The following GOSR2 variants were observed in gnomAD, a reference collection of about 807,000 sequenced individuals.
GOSR2 encodes the protein golgi SNAP receptor complex member 2, also known as 27 kDa Golgi SNARE protein.
Under a neutral mutation model 27.9 loss-of-function variants are expected in GOSR2, and 20 were observed. The ratio of observed to expected loss-of-function variants is 0.72; its 90% CI spans 0.50 to 1.04. The LOEUF is 1.04. Ranked by LOEUF, GOSR2 falls within the 50% of genes least tolerant of loss-of-function variation. The pLI is 0.00. For missense variants in GOSR2, 261 were observed against 270.5 expected, an observed-to-expected ratio of 0.97 and a Z score of 0.25; for synonymous variants, 91 against 98.8, an observed-to-expected ratio of 0.92 and a Z score of 0.47.
chr17:46,955,619 C>T (rs770226164), intron 6 of GOSR2: 39 of 152,234 alleles, frequency 2.6e-4, no homozygotes, highest in Admixed American at 4.6e-4. Context: ...AGGCCAAGCA[C>T]ACCTCTGAAG....
In GOSR2 at chr17:46,941,331, CT is replaced by C. The variant is rs1275121888; in HGVS notation, c.*2572del. On this transcript the variant is annotated 3_prime_UTR_variant, in exon 6 of 6. Coordinates refer to ENST00000640051, the MANE Select transcript of GOSR2 (RefSeq NM_004287.5). ...ACCCATTGTTTTGGAAGCACATCAG[CT>C]GAATAAAGTTGAGGTTTATTTTATT... is the stretch of plus-strand genomic sequence containing the variant. 1.7e-5 allele frequency: 17 copies of C among 985,086 alleles called. No individual in the cohort carries two copies. The East Asian group carries it at 1.8e-3, about 105-fold the overall frequency. The allele number at this position is 985,086 out of a possible 1,614,324, so 61.0% of individuals were successfully genotyped here.
chr17:46,954,937 C>G (rs1291709811), intron 6 of GOSR2, among the ~76,000 whole-genome samples: 2 of 152,164 alleles, frequency 1.3e-5, no homozygotes, highest in African/African-American at 4.8e-5. Context: ...GTGGGGTTTT[C>G]TAGATATACA....
At chr17:46,960,356 G>A (rs141731201) in intron 6 of GOSR2, among the ~76,000 whole-genome samples, 7 of 152,326 alleles carry the variant, frequency 4.6e-5, no homozygotes, top group African/African-American at 9.6e-5. Flanking sequence ...ACAATATCAA[G>A]TGCTGACGAG....
downstream of GOSR2, among the ~76,000 whole-genome samples, chr17:46,944,399 C>G (rs1216061223): frequency 2.0e-5 from 3 of 152,176 alleles, no homozygotes; most frequent in Admixed American, 6.5e-5. Context: ...GGGGGTAACA[C>G]CTGTCCCACG....
chr17:46,954,385 A>G (rs1167283012), intron 6 of GOSR2, among the ~76,000 whole-genome samples: 2 of 152,106 alleles, frequency 1.3e-5, no homozygotes, highest in African/African-American at 4.8e-5. Flanking sequence ...GTTCTGTTCC[A>G]TTGGTCTATA....
At chr17:46,924,186 C>T (rs900966832) in intron 1 of GOSR2, 1 of 243,574 alleles carries the variant, frequency 4.1e-6, no homozygotes, top group Non-Finnish European at 7.8e-6. Context: ...TTTACCTATT[C>T]TAGATACTTA....
chr17:46,930,842 C>A, intron 2 of GOSR2: 1 of 414,270 alleles, frequency 2.4e-6, no homozygotes, highest in South Asian at 3.2e-5. Context: ...AAATTTATTT[C>A]TACAGATTTA....
chr17:46,936,867 T>C lies in GOSR2; in HGVS notation c.477+1698T>C, dbSNP rs1478729733. 8.2e-6 allele frequency: 8 copies of C among 978,892 alleles called. No homozygotes were observed. In the African/African-American group the frequency reaches 1.4e-4, roughly 17 times the overall value. The allele number at this position is 978,892 out of a possible 1,614,324, so 60.6% of individuals were successfully genotyped here. A position where few individuals can be genotyped will look rare whatever the true frequency, so the allele number is the denominator to read the frequency against. On this transcript the variant is annotated intron_variant, in intron 5 of 5. Transcript: ENST00000640051. ...TCTCTGGCTGAGGCTTCTTAATTGC[T>C]TTCTGGGCAGAATGTAGATTTTGGA...
chr17:46,941,029 G>A lies in GOSR2; in HGVS notation c.*2269G>A. 2 of 1,095,678 alleles carry A rather than the reference G, an allele frequency of 1.8e-6. No homozygotes were observed. The highest frequency in any genetic ancestry group is 2.2e-6 in the Non-Finnish European group (2 of 895,008). 67.9% of individuals were successfully genotyped at this position (1,095,678 alleles called of 1,614,324 possible). A position where few individuals can be genotyped will look rare whatever the true frequency, so the allele number is the denominator to read the frequency against. ...TAGTGGAGGCGGGGGTGAATTCTTA[G>A]GTCGAGCTGATGCAAGAAACTCCGG... is the stretch of plus-strand genomic sequence containing the variant. On this transcript the variant is annotated 3_prime_UTR_variant, in exon 6 of 6. Transcript: ENST00000640051.
downstream of GOSR2, among the ~76,000 whole-genome samples, chr17:46,942,572 C>T (rs2089423157): frequency 6.6e-6 from 1 of 152,310 alleles, no homozygotes; most frequent in Admixed American, 6.5e-5. Flanking sequence ...AGCCTGCTGG[C>T]ATGGACTATA....
At chr17:46,974,820 C>T (rs1233147336) in intron 6 of GOSR2, among the ~76,000 whole-genome samples, 2 of 152,122 alleles carry the variant, frequency 1.3e-5, no homozygotes, top group Non-Finnish European at 2.9e-5. Context: ...CAGGCAACCT[C>T]TTGGAGCCTC....
downstream of GOSR2, among the ~76,000 whole-genome samples, chr17:46,942,604 A>G (rs2089427939): frequency 6.6e-6 from 1 of 152,234 alleles, no homozygotes; most frequent in African/African-American, 2.4e-5. Context: ...TGTTTGCTGC[A>G]GACCCTTCAG....
At chr17:46,957,328 C>T (rs1418871302) in intron 6 of GOSR2, among the ~76,000 whole-genome samples, 1 of 151,630 alleles carries the variant, frequency 6.6e-6, no homozygotes, top group East Asian at 1.9e-4. Context: ...AAAAAGAAAC[C>T]CAGGCTAAGC....
intron 4 of GOSR2, among the ~76,000 whole-genome samples, 179 bp from the exon 5 acceptor site, chr17:46,934,847 TCTG>T (rs2146967415): frequency 6.6e-6 from 1 of 152,366 alleles, no homozygotes; most frequent in Admixed American, 6.5e-5. Flanking sequence ...AAGTTCCTCT[TCTG>T]TGTGGACAGA....
At chr17:46,957,902 G>C (rs1599208342) in intron 6 of GOSR2, among the ~76,000 whole-genome samples, 1 of 152,312 alleles carries the variant, frequency 6.6e-6, no homozygotes, top group South Asian at 2.1e-4. Context: ...CACCCAGGAC[G>C]CTGCAGCAGG....
downstream of GOSR2, among the ~76,000 whole-genome samples, chr17:46,970,689 C>T (rs966035557): frequency 5.3e-5 from 8 of 152,108 alleles, no homozygotes; most frequent in African/African-American, 9.7e-5. Flanking sequence ...CTCACGTGGA[C>T]GGGGGCTCAG....
intron 6 of GOSR2, chr17:46,964,603 A>G (rs530390849): frequency 6.6e-6 from 1 of 152,302 alleles, no homozygotes; most frequent in Non-Finnish European, 1.5e-5. Context: ...CTCAGAGACC[A>G]TCTAGTCCAG....
At chr17:46,974,987 CTTTTTTTTTTTTTTT>C (rs58438726) in intron 6 of GOSR2, among the ~76,000 whole-genome samples, 122 of 119,064 alleles carry the variant, frequency 1.0e-3, no homozygotes, top group African/African-American at 3.6e-3. Flanking sequence ...TTACTATTTT[CTTTTTTTTTTTTTTT>C]TTTTTTTTTT....
chr17:46,932,092 G>A lies in GOSR2; in HGVS notation c.229G>A (p.Val77Ile), dbSNP rs1407806851. ...TCGGGTTGACCAGTTAAAGTATGAT[G>A]TCCAGCACCTGCAGACTGCGCTCAG... ...RLRVDQLKYD[V>I]QHLQTALRNF... Residue 77 changes from valine to isoleucine, a missense_variant, in exon 4 of 6, where the codon GTC becomes ATC. Val to Ile is a conservative substitution (Grantham distance 29). Coordinates refer to ENST00000640051, the MANE Select transcript of GOSR2 (RefSeq NM_004287.5). 10 of 1,613,418 alleles carry A rather than the reference G, an allele frequency of 6.2e-6. No homozygotes were observed. The highest frequency in any genetic ancestry group is 5.3e-5 in the African/African-American group (4 of 74,894).
Sources: allele counts gnomAD v4.1 joint callset (sites outside exome capture counted in the v4.1 genomes callset), GRCh38; gene constraint gnomAD v4.1.1; transcripts MANE v1.5; gene names NCBI Gene and HGNC (gene_info 2026-07-23, HGNC 2026-07-21).